Variants in NCKAP5 observed in about 807,000 individuals in gnomAD.
NCKAP5 encodes the protein NCK associated protein 5.
NCKAP5 carries 92 observed loss-of-function variants against 167.0 expected under a neutral mutation model. The observed-to-expected ratio is 0.55, with a 90% CI of 0.47 to 0.66. The LOEUF (loss-of-function observed/expected upper bound fraction) is 0.66, where lower values mean the gene tolerates loss of function less well. NCKAP5 is among the 30% of genes least tolerant of loss of function. NCKAP5 has a pLI of 0.00. For synonymous variants in NCKAP5, 891 were observed against 877.4 expected, an observed-to-expected ratio of 1.02 and a Z score of -0.27; for missense variants, 2,378 against 2,315.0, an observed-to-expected ratio of 1.03 and a Z score of -0.56.
At chr2:133,577,328 A>T in the NCKAP5 span, among the ~76,000 whole-genome samples, 1 of 152,142 alleles carries the variant, frequency 6.6e-6, no homozygotes, top group Admixed American at 6.5e-5. Flanking sequence ...TGTAATACAC[A>T]TGAATACAAA....
intron 4 of NCKAP5, among the ~76,000 whole-genome samples, chr2:133,274,783 G>GA (rs35506573): frequency 1.7e-4 from 25 of 145,994 alleles, no homozygotes; most frequent in South Asian, 4.3e-4. Context: ...TGTGATAATG[G>GA]AAAAAAAAAA....
chr2:132,920,737 A>G (rs1695296654), intron 8 of NCKAP5, among the ~76,000 whole-genome samples: 1 of 105,426 alleles, frequency 9.5e-6, no homozygotes, highest in Non-Finnish European at 1.7e-5. Context: ...ATATATGTAT[A>G]TATATGTGTA....
At chr2:132,765,462 G>A (rs930406095) in intron 16 of NCKAP5, among the ~76,000 whole-genome samples, 12 of 152,024 alleles carry the variant, frequency 7.9e-5, no homozygotes, top group Middle Eastern at 3.4e-3. Flanking sequence ...CTACAGGCGC[G>A]TGGCACCACG....
intron 10 of NCKAP5, among the ~76,000 whole-genome samples, chr2:132,866,369 T>A (rs762098492): frequency 5.9e-5 from 9 of 152,184 alleles, no homozygotes; most frequent in Non-Finnish European, 8.8e-5. Context: ...CTGATTTAAT[T>A]CGCACTTGTA....
chr2:133,457,573 A>C (rs1278249104), intron 3 of NCKAP5, among the ~76,000 whole-genome samples: 1 of 152,174 alleles, frequency 6.6e-6, no homozygotes, highest in Non-Finnish European at 1.5e-5. Context: ...TAAGGTAATT[A>C]TTTTTAGACA....
intron 10 of NCKAP5, among the ~76,000 whole-genome samples, chr2:132,861,795 C>T (rs1470325061): frequency 3.3e-5 from 5 of 152,182 alleles, no homozygotes; most frequent in Admixed American, 3.3e-4. Flanking sequence ...ACTCTGTATT[C>T]ATTTTATCGT....
chr2:133,385,594 A>G (rs1242427028), intron 3 of NCKAP5, among the ~76,000 whole-genome samples: 1 of 151,986 alleles, frequency 6.6e-6, no homozygotes, highest in Admixed American at 6.6e-5. Context: ...CTCTTTTTCT[A>G]TTGATTGGAA....
chr2:133,521,751 C>A (rs1684495222), intron 2 of NCKAP5, among the ~76,000 whole-genome samples: 1 of 152,146 alleles, frequency 6.6e-6, no homozygotes, highest in South Asian at 2.1e-4. Flanking sequence ...CCTTAAATGC[C>A]CTATCTCCAA....
intron 4 of NCKAP5, among the ~76,000 whole-genome samples, chr2:133,270,997 G>A (rs2089485068): frequency 1.3e-5 from 2 of 148,742 alleles, no homozygotes; most frequent in African/African-American, 5.0e-5. Context: ...TCAGCTGAGT[G>A]CAAGCTCTGC....
intron 5 of NCKAP5, among the ~76,000 whole-genome samples, chr2:133,150,576 T>C (rs2083353608): frequency 6.6e-6 from 1 of 152,176 alleles, no homozygotes; most frequent in Admixed American, 6.5e-5. Flanking sequence ...TCCTAGTTCA[T>C]GTTTTCCTAG....
At chr2:133,250,864 A>G (rs1373508117) in intron 4 of NCKAP5, among the ~76,000 whole-genome samples, 1 of 152,146 alleles carries the variant, frequency 6.6e-6, no homozygotes, top group African/African-American at 2.4e-5. Context: ...CAGGAGGTTG[A>G]GGCTGCAGTG....
intron 6 of NCKAP5, 117 bp downstream of exon 6, chr2:133,129,861 G>T: frequency 2.5e-6 from 3 of 1,201,100 alleles, no homozygotes; most frequent in Non-Finnish European, 3.3e-6. Context: ...CTAAATGGTT[G>T]GTAAATTAGC....
At chr2:132,969,674 A>G (rs1265735141) in intron 7 of NCKAP5, among the ~76,000 whole-genome samples, 1 of 152,140 alleles carries the variant, frequency 6.6e-6, no homozygotes, top group Non-Finnish European at 1.5e-5. Context: ...AGATCCTTGC[A>G]GCTGGAAGTC....
chr2:133,466,146 T>C (rs1344932584), intron 3 of NCKAP5, among the ~76,000 whole-genome samples: 1 of 144,782 alleles, frequency 6.9e-6, no homozygotes, highest in South Asian at 2.2e-4. Flanking sequence ...GTTTTAGGTC[T>C]AACGTTTAAG....
rs117287547 is a variant in NCKAP5 at position 132,759,215 on chromosome 2, T to C, written c.5128+14601A>G. Among the ~76,000 whole-genome samples, 341 of 152,290 alleles carry C rather than the reference T, an allele frequency of 2.2e-3. 9 individuals are homozygous for C. In the East Asian group the frequency reaches 0.06, roughly 27 times the overall value. Reference sequence around the variant, plus strand: ...TTCACTGCTGTATAGTATTCCATAGTATAGGTATTTCAAAATTTGTCTGTC... The same window carrying C: ...TTCACTGCTGTATAGTATTCCATAGCATAGGTATTTCAAAATTTGTCTGTC... On this transcript the variant is annotated intron_variant, in intron 16 of 19. Transcript: ENST00000409261.
At chr2:133,602,411 C>T in the NCKAP5 span, among the ~76,000 whole-genome samples, 4,334 of 152,206 alleles carry the variant, frequency 0.028, 93 homozygotes, top group Non-Finnish European at 0.045. Context: ...AGGCTGTAGA[C>T]GCTGCTGAGT....
Position 132,784,786 on chromosome 2 carries a change from G to A in NCKAP5, c.2025C>T (p.Asp675=), listed in dbSNP as rs369783495. The change falls in exon 14 of 20, where the codon GAC becomes GAT. Residue 675 remains aspartate, a synonymous_variant. Coordinates refer to ENST00000409261, the MANE Select transcript of NCKAP5 (RefSeq NM_207363.3). The stretch of plus-strand genomic sequence containing the variant: ...GAGAGCTGAATTCAATGGGCTCACC[G>A]TCTTCCGCATCAAATATCACAGTCA... ...ECVTVIFDAE[D]GEPIEFSSHQ... The A allele has an allele frequency of 2.4e-5, 39 of 1,604,368 alleles. No homozygotes were observed. The highest frequency in any genetic ancestry group is 1.0e-4 in the South Asian group (9 of 89,862).
At chr2:133,492,843 A>T (rs1312727516) in intron 3 of NCKAP5, among the ~76,000 whole-genome samples, 1 of 152,230 alleles carries the variant, frequency 6.6e-6, no homozygotes, top group African/African-American at 2.4e-5. Context: ...CCTTTCTCTG[A>T]CAACTCCTTC....
At chr2:132,758,428 T>C (rs1002209258) in intron 16 of NCKAP5, among the ~76,000 whole-genome samples, 3 of 152,236 alleles carry the variant, frequency 2.0e-5, no homozygotes, top group African/African-American at 4.8e-5. Context: ...GCTGATTTTT[T>C]ATTCCCTTCA....
Sources: gnomAD v4.1 joint callset for allele counts (sites outside exome capture counted in the v4.1 genomes callset) on GRCh38, gnomAD v4.1.1 for gene constraint, MANE v1.5 for transcripts, NCBI Gene and HGNC (gene_info 2026-07-23, HGNC 2026-07-21) for gene names.